MAPKAPK3: variants seen among roughly 807,000 people sequenced by gnomAD.
MAPKAPK3 encodes the protein MAPK activated protein kinase 3.
MAPKAPK3 carries 35 observed loss-of-function variants against 49.2 expected under a neutral mutation model. The observed-to-expected ratio is 0.71, with a 90% CI of 0.54 to 0.94. The LOEUF is 0.94. Ranked by LOEUF, MAPKAPK3 falls within the 40% of genes least tolerant of loss-of-function variation. The pLI is 0.00. For synonymous variants in MAPKAPK3, 178 were observed against 188.7 expected, an observed-to-expected ratio of 0.94 and a Z score of 0.46; for missense variants, 398 against 493.1, an observed-to-expected ratio of 0.81 and a Z score of 1.83.
At chr3:50,639,208 G>GT (rs2033114427) in intron 2 of MAPKAPK3, among the ~76,000 whole-genome samples, 1 of 152,202 alleles carries the variant, frequency 6.6e-6, no homozygotes, top group South Asian at 2.1e-4. Context: ...ATTTTACAGA[G>GT]TTGTGGGCTG....
intron 5 of MAPKAPK3, among the ~76,000 whole-genome samples, chr3:50,643,327 A>G (rs9682401): frequency 0.78 from 118,186 of 152,146 alleles, 47,106 homozygotes; most frequent in Middle Eastern, 0.9. Context: ...CAAATTTCCT[A>G]TCCTGGGAGG....
At chr3:50,646,891 G>T (rs1172247633) in intron 9 of MAPKAPK3, 66 bp downstream of exon 9, 9 of 1,528,440 alleles carry the variant, frequency 5.9e-6, no homozygotes, top group Non-Finnish European at 7.2e-6. Context: ...GGGCAGGAGG[G>T]TGGTGGCTCT....
chr3:50,615,183 C>A (rs1019961873), upstream of MAPKAPK3, among the ~76,000 whole-genome samples: 2 of 152,120 alleles, frequency 1.3e-5, no homozygotes, highest in African/African-American at 4.8e-5. Flanking sequence ...GAGCAGAGAG[C>A]CTTCTTTGGC....
Position 50,646,140 on chromosome 3 carries a change from C to G in MAPKAPK3, c.705C>G (p.Leu235=), listed in dbSNP as rs764111447. 1.4e-5 allele frequency: 23 copies of G among 1,613,212 alleles called. No individual in the cohort carries two copies. The Admixed American group carries it at 3.7e-4, about 26-fold the overall frequency. The change falls in exon 8 of 11, where the codon CTC becomes CTG. Residue 235 remains leucine (L), a splice_region_variant and synonymous_variant. Coordinates refer to ENST00000621469, the MANE Select transcript of MAPKAPK3 (RefSeq NM_001243925.2). ...CCAAATGACTTACCCCTTCCCCCAG[C>G]CTTTGTGGCTTCCCACCCTTCTACT... ...MWSLGVIMYI[L]LCGFPPFYSN...
At chr3:50,623,109 G>T (rs923855051) in intron 2 of MAPKAPK3, among the ~76,000 whole-genome samples, 1 of 152,168 alleles carries the variant, frequency 6.6e-6, no homozygotes, top group Non-Finnish European at 1.5e-5. Flanking sequence ...TCTCCAGACC[G>T]GTCAGATCAG....
intron 2 of MAPKAPK3, among the ~76,000 whole-genome samples, chr3:50,628,696 G>A (rs1368903629): frequency 6.6e-6 from 1 of 152,158 alleles, no homozygotes. Flanking sequence ...ACACCTGTCA[G>A]GGGCAGAGGG....
intron 2 of MAPKAPK3, among the ~76,000 whole-genome samples, chr3:50,622,069 C>G (rs1166022809): frequency 6.6e-6 from 1 of 152,210 alleles, no homozygotes; most frequent in Non-Finnish European, 1.5e-5. Flanking sequence ...GTTGCTGGGG[C>G]TGCTGCCTCT....
chr3:50,611,613 G>T, upstream of MAPKAPK3: 2 of 1,521,008 alleles, frequency 1.3e-6, no homozygotes, highest in East Asian at 5.5e-5. Context: ...CGGGAAGGGG[G>T]CAGAGAGCCG....
At chr3:50,645,826 T>C in intron 7 of MAPKAPK3, 41 bp downstream of exon 7, 1 of 1,587,158 alleles carries the variant, frequency 6.3e-7, no homozygotes, top group South Asian at 1.1e-5. Context: ...CTCCTGCCCT[T>C]ACCCCCACTG....
chr3:50,611,814 G>A, upstream of MAPKAPK3: 1 of 932,778 alleles, frequency 1.1e-6, no homozygotes, highest in African/African-American at 1.8e-5. Context: ...GGCGAGGGGG[G>A]CGGGCCAGAC....
chr3:50,613,904 G>A (rs2032399460), upstream of MAPKAPK3: 1 of 152,240 alleles, frequency 6.6e-6, no homozygotes, highest in Non-Finnish European at 1.5e-5. Context: ...TATGGGTGCT[G>A]GTGATCTGCC....
At chr3:50,632,155 G>A (rs752111628) in intron 2 of MAPKAPK3, among the ~76,000 whole-genome samples, 4 of 152,348 alleles carry the variant, frequency 2.6e-5, no homozygotes, top group African/African-American at 7.2e-5. Context: ...TTGCAGAATT[G>A]CTGTTGAAGG....
intron 2 of MAPKAPK3, among the ~76,000 whole-genome samples, chr3:50,622,490 C>T (rs1379811247): frequency 1.3e-5 from 2 of 152,164 alleles, no homozygotes; most frequent in Non-Finnish European, 2.9e-5. Flanking sequence ...TAATACTCCC[C>T]TTTGATTCAA....
chr3:50,639,208 G>A (rs2033114368), intron 2 of MAPKAPK3, among the ~76,000 whole-genome samples: 1 of 152,202 alleles, frequency 6.6e-6, no homozygotes, highest in Non-Finnish European at 1.5e-5. Flanking sequence ...ATTTTACAGA[G>A]TTGTGGGCTG....
rs575118005 is a variant in MAPKAPK3, at chr3:50,629,214, G to T, written c.220-11152G>T. 2.0e-5 allele frequency among the ~76,000 whole-genome samples: 3 copies of T among 152,172 alleles called. No homozygotes were observed. In the South Asian group the frequency reaches 6.2e-4, roughly 32 times the overall value. ...CACCTTTGAAGAGCCCAGTCTGGCTGTGCCCCTCTGAGGATATGAGACCAT... is the reference window on the plus strand; with the variant it reads ...CACCTTTGAAGAGCCCAGTCTGGCTTTGCCCCTCTGAGGATATGAGACCAT... On this transcript the variant is annotated intron_variant, in intron 2 of 10. Transcript: ENST00000621469.
intron 2 of MAPKAPK3, among the ~76,000 whole-genome samples, chr3:50,636,420 G>A (rs1392270978): frequency 1.3e-5 from 2 of 152,240 alleles, no homozygotes; most frequent in Non-Finnish European, 2.9e-5. Context: ...GTGTGTTTTT[G>A]CTTAAAGAGT....
Position 50,648,064 on chromosome 3 carries a change from G to A in MAPKAPK3, c.*18G>A. On this transcript the variant is annotated 3_prime_UTR_variant, in exon 11 of 11. Transcript: ENST00000621469. The stretch of plus-strand genomic sequence containing the variant: ...ACCAGTAGCTCATGGGGCCTTGGAG[G>A]AGCCTGGCCTCTCAGCCTGCATAAC... The A allele has an allele frequency of 6.2e-7, 1 of 1,607,218 alleles. No homozygotes were observed. The highest frequency in any genetic ancestry group is 8.5e-7 in the Non-Finnish European group (1 of 1,177,146).
At chr3:50,631,340 G>C (rs543173988) in intron 2 of MAPKAPK3, among the ~76,000 whole-genome samples, 2 of 152,204 alleles carry the variant, frequency 1.3e-5, no homozygotes, top group South Asian at 2.1e-4. Context: ...GAGGACATGG[G>C]GGGCAGGAGC....
chr3:50,614,086 G>T (rs1033993471), upstream of MAPKAPK3: 1 of 152,200 alleles, frequency 6.6e-6, no homozygotes, highest in African/African-American at 2.4e-5. Context: ...AACTATTTTT[G>T]TGTGTGTGTG....
Sources: allele counts gnomAD v4.1 joint callset (sites outside exome capture counted in the v4.1 genomes callset), GRCh38; gene constraint gnomAD v4.1.1; transcripts MANE v1.5; gene names NCBI Gene and HGNC (gene_info 2026-07-23, HGNC 2026-07-21).